The following STAB2 variants were observed in gnomAD, a reference collection of about 807,000 sequenced individuals.
STAB2 encodes the protein stabilin 2, also known as stabilin-2.
STAB2 carries 288 observed loss-of-function variants against 338.1 expected under a neutral mutation model. The observed-to-expected ratio is 0.85, with a 90% CI of 0.77 to 0.94. The LOEUF (loss-of-function observed/expected upper bound fraction) is 0.94, where lower values mean the gene tolerates loss of function less well. Among genes scored for constraint, STAB2 ranks in the 40% least tolerant of loss-of-function variants. The probability of loss-of-function intolerance (pLI) is 0.00; values close to 1 mark genes in which losing one functional copy is unlikely to be tolerated. For missense variants in STAB2, 3,141 were observed against 3,210.1 expected (o/e 0.98, Z 0.52); for synonymous variants, 1,202 against 1,193.3 (o/e 1.01, Z -0.15).
chr12:103,671,793 GA>G (rs1045052755), intron 22 of STAB2, among the ~76,000 whole-genome samples: 1 of 152,114 alleles, frequency 6.6e-6, no homozygotes, highest in Non-Finnish European at 1.5e-5. Context: ...AATAGGCATT[GA>G]AAAAAATAAA....
intron 59 of STAB2, among the ~76,000 whole-genome samples, chr12:103,749,527 G>A (rs1883397126): frequency 6.6e-6 from 1 of 151,826 alleles, no homozygotes; most frequent in Non-Finnish European, 1.5e-5. Flanking sequence ...CTAAATAAAA[G>A]GCTTATTAAA....
chr12:103,756,841 C>T (rs1310720723), intron 63 of STAB2, among the ~76,000 whole-genome samples: 1 of 151,900 alleles, frequency 6.6e-6, no homozygotes, highest in Non-Finnish European at 1.5e-5. Flanking sequence ...TCAGGACCAC[C>T]ATTAAATACA....
intron 38 of STAB2, among the ~76,000 whole-genome samples, chr12:103,708,115 A>G (rs1879529560): frequency 6.6e-6 from 1 of 152,154 alleles, no homozygotes; most frequent in South Asian, 2.1e-4. Flanking sequence ...GTTCCAATCA[A>G]AGGAGCCCTG....
intron 5 of STAB2, among the ~76,000 whole-genome samples, chr12:103,631,201 T>C (rs919190301): frequency 1.3e-5 from 2 of 152,226 alleles, no homozygotes; most frequent in East Asian, 3.8e-4. Context: ...CTTATTTATA[T>C]AGATATCTGC....
At position 103,745,166 on chromosome 12, in the gene STAB2, T is replaced by G; in HGVS notation, c.6032-7T>G. ...TGATGACTGACCATATCCTAATTTG[T>G]TTACAGCCTGTGGCTGCTCAGACCA... On this transcript the variant is annotated splice_polypyrimidine_tract_variant and splice_region_variant and intron_variant, in intron 56 of 68. Transcript: ENST00000388887. 1 of 1,611,004 alleles carries G rather than the reference T, an allele frequency of 6.2e-7. No individual in the cohort carries two copies. Among genetic ancestry groups the G allele is most frequent in the Non-Finnish European group, 8.5e-7 (1 of 1,178,620 alleles).
At chr12:103,679,473 A>G (rs1386378072) in intron 25 of STAB2, among the ~76,000 whole-genome samples, 2 of 152,112 alleles carry the variant, frequency 1.3e-5, no homozygotes, top group Non-Finnish European at 1.5e-5. Flanking sequence ...CCCACCTCCC[A>G]CTCTTGAAAA....
At chr12:103,635,846 C>G (rs1957536978) in intron 6 of STAB2, among the ~76,000 whole-genome samples, 1 of 152,162 alleles carries the variant, frequency 6.6e-6, no homozygotes, top group Non-Finnish European at 1.5e-5. Context: ...TGCATGACCT[C>G]CCAGCCACCC....
At chr12:103,670,828 T>C in intron 22 of STAB2, 21 bp downstream of exon 22, 2 of 1,593,386 alleles carry the variant, frequency 1.3e-6, no homozygotes, top group Non-Finnish European at 1.7e-6. Flanking sequence ...CTTCCAGAGC[T>C]TCCTTCCACT....
chr12:103,715,592 C>A (rs940783628), intron 42 of STAB2, among the ~76,000 whole-genome samples: 4 of 152,182 alleles, frequency 2.6e-5, no homozygotes, highest in African/African-American at 9.7e-5. Flanking sequence ...AGTAGACAAT[C>A]CCTCTGCTGG....
Position 103,650,496 on chromosome 12 carries a change from A to G in STAB2, c.1175A>G (p.Asp392Gly). Residue 392 changes from aspartate to glycine, a missense_variant and splice_region_variant, in exon 11 of 69, where the codon GAC (aspartate) becomes GGC (glycine). Coordinates refer to ENST00000388887, the MANE Select transcript of STAB2 (RefSeq NM_017564.10). ...TCTTTGTGTTATTTCGACTCCTAAG[A>G]CAAAGCTTATGCCTGGCCACTGAGT... ...GRLTSFISLLDKAYAWPLSKL... is the reference protein window; with the variant it reads ...GRLTSFISLLGKAYAWPLSKL... 6.2e-7 allele frequency: 1 copy of G among 1,612,850 alleles called. No individual in the cohort carries two copies. Among genetic ancestry groups the G allele is most frequent in the Non-Finnish European group, 8.5e-7 (1 of 1,179,042 alleles).
intron 1 of STAB2, among the ~76,000 whole-genome samples, chr12:103,590,621 A>G (rs1956781105): frequency 6.6e-6 from 1 of 152,236 alleles, no homozygotes; most frequent in Non-Finnish European, 1.5e-5. Context: ...TTACCTTGCT[A>G]GATTTCAGAC....
At chr12:103,675,826 TG>T in intron 23 of STAB2, 101 bp from the exon 24 acceptor site, 1 of 843,058 alleles carries the variant, frequency 1.2e-6, no homozygotes, top group Non-Finnish European at 1.9e-6. Flanking sequence ...GAGCAAAGGA[TG>T]GAGCCATTTG....
chr12:103,743,084 G>A (rs36046576), intron 56 of STAB2, among the ~76,000 whole-genome samples: 2,162 of 149,568 alleles, frequency 0.014, 66 homozygotes, highest in Admixed American at 0.066. Flanking sequence ...GTGCAATGGC[G>A]CAATCTCAGC....
In STAB2 at chr12:103,699,210, T is replaced by C; in HGVS notation, c.3697T>C (p.Phe1233Leu). ...GGGTTTCTCCTATTTCCTTAGCTTC[T>C]TTCTCCATAATGACCAGGTACGATC... ...MLGFSYFLSFFLHNDQLYVNE... is the reference protein window; with the variant it reads ...MLGFSYFLSFLLHNDQLYVNE... Residue 1233 changes from phenylalanine (F) to leucine (L), a missense_variant, in exon 34 of 69, where the codon TTT (phenylalanine) becomes CTT (leucine). Coordinates refer to ENST00000388887, the MANE Select transcript of STAB2 (RefSeq NM_017564.10). 5.0e-6 allele frequency: 8 copies of C among 1,612,798 alleles called. No homozygotes were observed. Among genetic ancestry groups the C allele is most frequent in the Non-Finnish European group, 6.8e-6 (8 of 1,178,996 alleles).
Position 103,708,390 on chromosome 12 carries a change from T to C in STAB2, c.4193-51T>C, listed in dbSNP as rs780476235. On this transcript the variant is annotated intron_variant, in intron 38 of 68. Transcript: ENST00000388887. ...CAAACCTAGTAAATGACAAATGAGT[T>C]ATTGAACATGGGTTAGAATCTGACG... 4.5e-6 allele frequency: 7 copies of C among 1,568,652 alleles called. No individual in the cohort carries two copies. In the Admixed American group the frequency reaches 1.2e-4, roughly 26 times the overall value.
At position 103,705,612 on chromosome 12, in the gene STAB2, T is replaced by C. The variant is rs1290747199; in HGVS notation, c.3901-20T>C. The C allele has an allele frequency of 6.2e-7, 1 of 1,611,378 alleles. No homozygotes were observed. The highest frequency in any genetic ancestry group is 1.1e-5 in the South Asian group (1 of 91,018). On this transcript the variant is annotated intron_variant, in intron 36 of 68. Coordinates refer to ENST00000388887, the MANE Select transcript of STAB2 (RefSeq NM_017564.10). ...CTTTTTCCTAACTTAGGAGCTGACG[T>C]AGTCATTAATATTTCACAGGGTAAT...
intron 44 of STAB2, among the ~76,000 whole-genome samples, chr12:103,720,058 C>A (rs145401324): frequency 3.3e-4 from 51 of 152,292 alleles, no homozygotes; most frequent in African/African-American, 1.2e-3. Context: ...GTTTGTCTGG[C>A]AAGCTCCTCA....
chr12:103,744,541 A>G (rs530869245), intron 56 of STAB2, among the ~76,000 whole-genome samples: 1 of 147,144 alleles, frequency 6.8e-6, no homozygotes, highest in East Asian at 2.0e-4. Flanking sequence ...ATCACAGCTT[A>G]CTGTAGCCTC....
chr12:103,750,793 G>T (rs1883570831), intron 60 of STAB2, 73 bp downstream of exon 60: 7 of 1,504,480 alleles, frequency 4.7e-6, no homozygotes, highest in Non-Finnish European at 5.3e-6. Context: ...TCAAGGGAAA[G>T]AAGAAAAACA....
Sources: allele counts gnomAD v4.1 joint callset (sites outside exome capture counted in the v4.1 genomes callset), GRCh38; gene constraint gnomAD v4.1.1; transcripts MANE v1.5; gene names NCBI Gene and HGNC (gene_info 2026-07-23, HGNC 2026-07-21).